LMBR1: variants seen among roughly 807,000 people sequenced by gnomAD.
The protein encoded by LMBR1 is limb region 1 protein homolog.
Under a neutral mutation model 73.9 loss-of-function variants are expected in LMBR1, and 52 were observed. That is an observed-to-expected ratio of 0.70 (90% CI 0.56 to 0.89). The LOEUF (loss-of-function observed/expected upper bound fraction) is 0.89, where lower values mean the gene tolerates loss of function less well. LMBR1 is among the 40% of genes least tolerant of loss of function. The pLI, the probability that LMBR1 is intolerant of heterozygous loss-of-function variation, is 0.00. For synonymous variants in LMBR1, 215 were observed against 209.4 expected (o/e 1.03, Z -0.23); for missense variants, 539 against 579.8 (o/e 0.93, Z 0.72).
chr7:156,794,476 G>A (rs1023801009), intron 5 of LMBR1, among the ~76,000 whole-genome samples: 6 of 152,012 alleles, frequency 3.9e-5, no homozygotes, highest in Admixed American at 3.9e-4. Context: ...TCTGGAGATT[G>A]TTGCTAATTC....
chr7:156,726,334 C>G (rs1815745286), intron 12 of LMBR1, among the ~76,000 whole-genome samples: 1 of 151,932 alleles, frequency 6.6e-6, no homozygotes, highest in Admixed American at 6.6e-5. Context: ...TTCCTTTGCC[C>G]AAATTTTCCT....
At chr7:156,869,953 AAAAC>A (rs1334152176) in intron 1 of LMBR1, among the ~76,000 whole-genome samples, 3 of 152,236 alleles carry the variant, frequency 2.0e-5, no homozygotes, top group Non-Finnish European at 2.9e-5. Flanking sequence ...ATAAAAGAAA[AAAAC>A]AAAATTTAAA....
intron 1 of LMBR1, among the ~76,000 whole-genome samples, chr7:156,891,673 C>G (rs1803023311): frequency 6.6e-6 from 1 of 152,070 alleles, no homozygotes; most frequent in Non-Finnish European, 1.5e-5. Context: ...GCTGACCAGT[C>G]TCAAACTCCT....
At chr7:156,809,809 T>G (rs559898837) in intron 4 of LMBR1, among the ~76,000 whole-genome samples, 1 of 152,336 alleles carries the variant, frequency 6.6e-6, no homozygotes, top group African/African-American at 2.4e-5. Flanking sequence ...ATTTAAGATT[T>G]TCTCTTTATC....
intron 1 of LMBR1, among the ~76,000 whole-genome samples, chr7:156,857,489 G>T (rs1350905102): frequency 1.3e-5 from 2 of 152,194 alleles, no homozygotes; most frequent in Non-Finnish European, 2.9e-5. Context: ...AGAAATAGAT[G>T]AATCTACTAT....
chr7:156,866,463 G>A (rs1215885756), intron 1 of LMBR1, among the ~76,000 whole-genome samples: 2 of 151,394 alleles, frequency 1.3e-5, no homozygotes, highest in South Asian at 2.1e-4. Flanking sequence ...GCAAATGTTC[G>A]TCTTGTGAGA....
chr7:156,696,774 T>C (rs1375696630), intron 15 of LMBR1, among the ~76,000 whole-genome samples: 5 of 152,178 alleles, frequency 3.3e-5, no homozygotes, highest in Admixed American at 1.3e-4. Context: ...CCAAACCATA[T>C]TATTCTGCCC....
intron 1 of LMBR1, among the ~76,000 whole-genome samples, chr7:156,848,006 G>T (rs1252503411): frequency 6.6e-6 from 1 of 151,280 alleles, no homozygotes; most frequent in African/African-American, 2.4e-5. Flanking sequence ...AAACTTGGAA[G>T]GAATCAAGAT....
At chr7:156,876,804 TG>T (rs1466646130) in intron 1 of LMBR1, among the ~76,000 whole-genome samples, 4 of 152,152 alleles carry the variant, frequency 2.6e-5, no homozygotes, top group Non-Finnish European at 5.9e-5. Flanking sequence ...TCAAAACCTC[TG>T]GGAGACAGCA....
intron 9 of LMBR1, among the ~76,000 whole-genome samples, chr7:156,755,207 A>G (rs1821637229): frequency 6.6e-6 from 1 of 152,222 alleles, no homozygotes; most frequent in Admixed American, 6.5e-5. Flanking sequence ...GCCATCTAGC[A>G]AGGGTTTCCT....
At chr7:156,835,493 G>A (rs1837450486) in intron 2 of LMBR1, among the ~76,000 whole-genome samples, 2 of 152,030 alleles carry the variant, frequency 1.3e-5, no homozygotes, top group Admixed American at 6.5e-5. Flanking sequence ...TCAGGAGTTC[G>A]AGACCAGCCT....
chr7:156,759,763 T>C (rs1482798904), intron 8 of LMBR1, among the ~76,000 whole-genome samples: 1 of 151,644 alleles, frequency 6.6e-6, no homozygotes, highest in African/African-American at 2.4e-5. Context: ...TTTACTTCTA[T>C]AGAAGGGTGC....
chr7:156,736,593 AT>A (rs1481581132), intron 9 of LMBR1: 4 of 456,856 alleles, frequency 8.8e-6, no homozygotes, highest in African/African-American at 4.0e-5. Flanking sequence ...CAACTTCTGG[AT>A]TTCCCGCACA....
chr7:156,833,059 A>G (rs2133884055), intron 3 of LMBR1, among the ~76,000 whole-genome samples: 1 of 152,348 alleles, frequency 6.6e-6, no homozygotes, highest in Non-Finnish European at 1.5e-5. Context: ...TTATACATAA[A>G]AGTATCCTGA....
intron 12 of LMBR1, chr7:156,726,235 T>C: frequency 6.4e-6 from 1 of 157,094 alleles, no homozygotes; most frequent in African/African-American, 2.4e-5. Flanking sequence ...TTACACAATA[T>C]ACAAAGATTA....
intron 14 of LMBR1, 33 bp from the exon 15 acceptor site, chr7:156,724,211 G>A (rs765910676): frequency 9.4e-6 from 14 of 1,496,944 alleles, no homozygotes; most frequent in Admixed American, 1.7e-5. Context: ...ATATTGGGCA[G>A]TTAAACAGCA....
At chr7:156,690,335 G>A (rs149665332) in intron 15 of LMBR1, among the ~76,000 whole-genome samples, 7 of 152,228 alleles carry the variant, frequency 4.6e-5, no homozygotes, top group South Asian at 4.1e-4. Context: ...ACAGTCCAAC[G>A]ACTTACTTTA....
chr7:156,696,431 T>C (rs529320929), intron 15 of LMBR1, among the ~76,000 whole-genome samples: 15 of 152,236 alleles, frequency 9.9e-5, no homozygotes, highest in Admixed American at 9.8e-4. Context: ...AAAGAAAATA[T>C]GCAACAGTGT....
chr7:156,883,400 G>GAAA, intron 1 of LMBR1, among the ~76,000 whole-genome samples: 2 of 146,066 alleles, frequency 1.4e-5, no homozygotes, highest in Admixed American at 1.4e-4. Flanking sequence ...CTCCATCTCA[G>GAAA]AAAAAAAAAA....
Sources: gnomAD v4.1 joint callset for allele counts (sites outside exome capture counted in the v4.1 genomes callset) on GRCh38, gnomAD v4.1.1 for gene constraint, MANE v1.5 for transcripts, NCBI Gene and HGNC (gene_info 2026-07-23, HGNC 2026-07-21) for gene names.